CTDSPL: variants seen among roughly 807,000 people sequenced by gnomAD.
The protein encoded by CTDSPL is CTD small phosphatase-like protein.
A neutral mutation model predicts 30.5 loss-of-function variants in CTDSPL; 8 were observed. The observed-to-expected ratio is 0.26, with a 90% CI of 0.15 to 0.47. The LOEUF (loss-of-function observed/expected upper bound fraction) is 0.47. Among genes scored for constraint, CTDSPL ranks in the 20% least tolerant of loss-of-function variants. CTDSPL has a pLI of 0.99. For missense variants in CTDSPL, 248 were observed against 366.1 expected (o/e 0.68, Z 2.63); for synonymous variants, 110 against 137.9 (o/e 0.80, Z 1.42).
At chr3:37,902,826 T>C (rs190751614) in intron 1 of CTDSPL, among the ~76,000 whole-genome samples, 33 of 152,234 alleles carry the variant, frequency 2.2e-4, no homozygotes, top group African/African-American at 7.2e-4. Context: ...GTGGCTGCTT[T>C]CCTCAACACA....
At chr3:37,945,938 C>A (rs115302022) in intron 1 of CTDSPL, among the ~76,000 whole-genome samples, 1 of 152,238 alleles carries the variant, frequency 6.6e-6, no homozygotes, top group East Asian at 1.9e-4. Context: ...CTAGGTGTTA[C>A]ACAAATCACT....
At chr3:37,922,816 G>A (rs1190071611) in intron 1 of CTDSPL, among the ~76,000 whole-genome samples, 1 of 152,126 alleles carries the variant, frequency 6.6e-6, no homozygotes, top group Non-Finnish European at 1.5e-5. Flanking sequence ...GCCACTCCTG[G>A]TCTGAAGCAC....
intron 1 of CTDSPL, among the ~76,000 whole-genome samples, chr3:37,929,542 C>T (rs1047719280): frequency 2.6e-5 from 4 of 152,134 alleles, no homozygotes; most frequent in Non-Finnish European, 5.9e-5. Flanking sequence ...CTTTTTAATG[C>T]TATTGTAAAT....
chr3:37,981,736 G>T lies in CTDSPL; in HGVS notation c.*869G>T. The T allele has an allele frequency of 4.7e-6, 2 of 428,974 alleles. No homozygotes were observed. The highest frequency in any genetic ancestry group is 2.5e-5 in the Admixed American group (1 of 39,346). 26.6% of individuals were successfully genotyped at this position (428,974 alleles called of 1,614,324 possible). On this transcript the variant is annotated 3_prime_UTR_variant, in exon 8 of 8. Coordinates refer to ENST00000273179, the MANE Select transcript of CTDSPL (RefSeq NM_001008392.2). Reference sequence around the variant, plus strand: ...TACATTTGTGTTTTTTGTTGTTATTGTTTGGGTAGAGCAGTTACAAGAAAC... The same window carrying T: ...TACATTTGTGTTTTTTGTTGTTATTTTTTGGGTAGAGCAGTTACAAGAAAC...
intron 5 of CTDSPL, among the ~76,000 whole-genome samples, chr3:37,968,699 A>C (rs886764884): frequency 6.6e-6 from 1 of 152,176 alleles, no homozygotes; most frequent in Non-Finnish European, 1.5e-5. Context: ...TTTCTTAGCA[A>C]TGTCAGTAGT....
At chr3:37,918,976 GA>G (rs1196569950) in intron 1 of CTDSPL, among the ~76,000 whole-genome samples, 9 of 151,940 alleles carry the variant, frequency 5.9e-5, no homozygotes, top group Admixed American at 1.3e-4. Context: ...TATTTATCAT[GA>G]AAAAAATTAT....
intron 1 of CTDSPL, among the ~76,000 whole-genome samples, chr3:37,908,389 A>G (rs1271529513): frequency 6.6e-6 from 1 of 152,178 alleles, no homozygotes; most frequent in East Asian, 1.9e-4. Context: ...TAACATTTTA[A>G]TATCTTTATC....
chr3:37,978,648 G>T (rs1699455904), intron 7 of CTDSPL, among the ~76,000 whole-genome samples: 1 of 152,170 alleles, frequency 6.6e-6, no homozygotes, highest in Admixed American at 6.5e-5. Context: ...GGCATTTCGG[G>T]ACTCAGATTT....
intron 1 of CTDSPL, among the ~76,000 whole-genome samples, chr3:37,909,235 T>C (rs72863904): frequency 0.023 from 3,504 of 152,350 alleles, 130 homozygotes; most frequent in African/African-American, 0.077. Context: ...TGTGGTGTCC[T>C]GGCTGAGCAA....
In CTDSPL at chr3:37,960,341, A is replaced by G. The variant is rs1175479848; in HGVS notation, c.267+3198A>G. ...ACTAAAAATACAAAATTAGCCGGGT[A>G]TGGTGGCACATGCCAGTAATCCCAG... On this transcript the variant is annotated intron_variant, in intron 3 of 7. Coordinates refer to ENST00000273179, the MANE Select transcript of CTDSPL (RefSeq NM_001008392.2). Among the ~76,000 whole-genome samples, 5 of 151,398 alleles carry G rather than the reference A, an allele frequency of 3.3e-5. No individual in the cohort carries two copies. In the South Asian group the frequency reaches 6.3e-4, roughly 19 times the overall value.
chr3:37,881,288 G>A (rs1312744735), intron 1 of CTDSPL, among the ~76,000 whole-genome samples: 1 of 152,122 alleles, frequency 6.6e-6, no homozygotes, highest in East Asian at 1.9e-4. Context: ...CAGCACTTTA[G>A]GAGGCTGAGG....
Position 37,863,477 on chromosome 3 carries a change from G to A in CTDSPL, c.79+1199G>A, listed in dbSNP as rs548151260. On this transcript the variant is annotated intron_variant, in intron 1 of 7. Coordinates refer to ENST00000273179, the MANE Select transcript of CTDSPL (RefSeq NM_001008392.2). ...TGGACAGACTGTTTTGAAGGGTCAA[G>A]GAATCTGGCTTCTTTTGTTCTGGTG... 2.0e-5 allele frequency among the ~76,000 whole-genome samples: 3 copies of A among 152,320 alleles called. No individual in the cohort carries two copies. In the East Asian group the frequency reaches 5.8e-4, roughly 29 times the overall value.
chr3:37,969,245 C>G (rs1250674711), intron 5 of CTDSPL, among the ~76,000 whole-genome samples: 1 of 152,226 alleles, frequency 6.6e-6, no homozygotes, highest in Admixed American at 6.5e-5. Flanking sequence ...GCATGACTGG[C>G]CTGCCCACTG....
intron 1 of CTDSPL, among the ~76,000 whole-genome samples, chr3:37,912,236 A>C (rs901365151): frequency 2.6e-5 from 4 of 152,098 alleles, no homozygotes; most frequent in Non-Finnish European, 2.9e-5. Flanking sequence ...GCTTCCCCCT[A>C]GTGGAGGGGA....
intron 1 of CTDSPL, among the ~76,000 whole-genome samples, chr3:37,870,024 A>G (rs185331416): frequency 1.2e-3 from 180 of 151,738 alleles, no homozygotes; most frequent in African/African-American, 4.1e-3. Flanking sequence ...TTTGTTAAGG[A>G]TTTTTTTGTC....
At chr3:37,967,510 C>G (rs1256368325) in intron 4 of CTDSPL, among the ~76,000 whole-genome samples, 1 of 152,220 alleles carries the variant, frequency 6.6e-6, no homozygotes. Flanking sequence ...CCCCATCACC[C>G]CAGCAAGACT....
chr3:37,947,326 T>A (rs1699051438), intron 2 of CTDSPL, 115 bp downstream of exon 2: 2 of 1,201,600 alleles, frequency 1.7e-6, no homozygotes, highest in Non-Finnish European at 1.2e-6. Context: ...GTGGCTCACG[T>A]CTGTAATATC....
At chr3:37,915,056 A>G (rs1253620100) in intron 1 of CTDSPL, among the ~76,000 whole-genome samples, 1 of 150,650 alleles carries the variant, frequency 6.6e-6, no homozygotes, top group Non-Finnish European at 1.5e-5. Flanking sequence ...AGCCAGTGTT[A>G]TTTTCTTTCC....
intron 1 of CTDSPL, among the ~76,000 whole-genome samples, chr3:37,865,999 G>A (rs1379761756): frequency 6.6e-6 from 1 of 152,218 alleles, no homozygotes; most frequent in Non-Finnish European, 1.5e-5. Flanking sequence ...CAGCCAAACA[G>A]CAGTATTGAC....
Sources: gnomAD v4.1 joint callset for allele counts (sites outside exome capture counted in the v4.1 genomes callset) on GRCh38, gnomAD v4.1.1 for gene constraint, MANE v1.5 for transcripts, NCBI Gene and HGNC (gene_info 2026-07-23, HGNC 2026-07-21) for gene names.